SEL1L3: variants seen among roughly 807,000 people sequenced by gnomAD.
SEL1L3 encodes the protein protein sel-1 homolog 3.
In SEL1L3, 76 loss-of-function variants were observed where a neutral mutation model predicts 142.8. The ratio of observed to expected loss-of-function variants is 0.53; its 90% confidence interval spans 0.44 to 0.64. The LOEUF (loss-of-function observed/expected upper bound fraction) is 0.64, where lower values mean the gene tolerates loss of function less well. Among genes scored for constraint, SEL1L3 ranks in the 30% least tolerant of loss-of-function variants. The pLI, the probability that SEL1L3 is intolerant of heterozygous loss-of-function variation, is 0.00. For synonymous variants in SEL1L3, 504 were observed against 519.6 expected (o/e 0.97, Z 0.41); for missense variants, 1,262 against 1,381.7 (o/e 0.91, Z 1.37).
chr4:25,800,676 A>C (rs1245081338), intron 11 of SEL1L3, among the ~76,000 whole-genome samples: 1 of 152,222 alleles, frequency 6.6e-6, no homozygotes, highest in African/African-American at 2.4e-5. Context: ...TTTAAAAAAA[A>C]CTTTACCAAT....
chr4:25,858,264 C>T (rs1402487520), intron 1 of SEL1L3, among the ~76,000 whole-genome samples: 1 of 152,198 alleles, frequency 6.6e-6, no homozygotes, highest in African/African-American at 2.4e-5. Context: ...TTAGGAGCTC[C>T]AGTCAGGATG....
chr4:25,736,549 G>A, the SEL1L3 span, among the ~76,000 whole-genome samples: 68 of 152,220 alleles, frequency 4.5e-4, 1 homozygote, highest in Middle Eastern at 0.01. Context: ...GAAATTGAAT[G>A]AGACTTGTTT....
intron 5 of SEL1L3, 31 bp downstream of exon 5, chr4:25,832,964 A>G: frequency 1.5e-6 from 2 of 1,304,798 alleles, no homozygotes; most frequent in Admixed American, 1.7e-5. Context: ...AAATGCTCGT[A>G]TGTCGTGTGA....
At chr4:25,825,677 T>A (rs1209254917) in intron 6 of SEL1L3, among the ~76,000 whole-genome samples, 1 of 140,920 alleles carries the variant, frequency 7.1e-6, no homozygotes. Flanking sequence ...TTTTTTTTTT[T>A]TTTTTTTTTT....
chr4:25,788,167 C>G lies in SEL1L3; in HGVS notation c.2217+57G>C, dbSNP rs762617241. Reference sequence around the variant, plus strand: ...TGTTTGCCAGCCCGCCCACAGGAAACTGCTCAGGAGTCTGATAAGAATTGC... The same window carrying G: ...TGTTTGCCAGCCCGCCCACAGGAAAGTGCTCAGGAGTCTGATAAGAATTGC... On this transcript the variant is annotated intron_variant, in intron 13 of 23. Transcript: ENST00000399878. This position sits in a 1 kb window ranked among gnomAD's most constrained non-coding sequence, Gnocchi z 5.3. The G allele has an allele frequency of 6.0e-5, 94 of 1,579,202 alleles. No individual in the cohort carries two copies. Among genetic ancestry groups the G allele is most frequent in the Non-Finnish European group, 8.1e-5 (94 of 1,158,652 alleles).
rs943014395 is a variant in SEL1L3, at chr4:25,814,418, T to G, written c.1564+3720A>C. Among the ~76,000 whole-genome samples the G allele has an allele frequency of 9.2e-5, 14 of 152,230 alleles. 1 individual carries two copies. ...TATCTTTGTTACCACGCCTATTCAG[T>G]GCCTACAATAAGAATTCCAAGCATC... On this transcript the variant is annotated intron_variant, in intron 9 of 23. Coordinates refer to ENST00000399878, the MANE Select transcript of SEL1L3 (RefSeq NM_015187.5).
Position 25,862,915 on chromosome 4 carries a change from CCCGCCCCCGG to C in SEL1L3, c.-89_-80del. The C allele has an allele frequency of 1.0e-6, 1 of 971,244 alleles. No individual in the cohort carries two copies. The highest frequency in any genetic ancestry group is 1.2e-6 in the Non-Finnish European group (1 of 815,358). 60.2% of individuals were successfully genotyped at this position (971,244 alleles called of 1,614,324 possible). A position where few individuals can be genotyped will look rare whatever the true frequency, so the allele number is the denominator to read the frequency against. ...CCCCGCCCGAGGCGCCACCTTCCCG[CCCGCCCCCGG>C]CCGGGCCGGCCGCCGCGCGCGGGGC... On this transcript the variant is annotated 5_prime_UTR_variant, in exon 1 of 24. Coordinates refer to ENST00000399878, the MANE Select transcript of SEL1L3 (RefSeq NM_015187.5).
chr4:25,847,991 G>A (rs1384505111), intron 1 of SEL1L3, 127 bp from the exon 2 acceptor site: 8 of 648,324 alleles, frequency 1.2e-5, no homozygotes. Context: ...AATGAATGCG[G>A]GAGATAAAAG....
chr4:25,839,189 C>T (rs565966209), intron 2 of SEL1L3, among the ~76,000 whole-genome samples: 1 of 152,242 alleles, frequency 6.6e-6, no homozygotes, highest in Non-Finnish European at 1.5e-5. Flanking sequence ...TTCTTTAAAG[C>T]CAAAGTCTGA....
chr4:25,793,734 ATGG>A (rs1712517727), intron 11 of SEL1L3, among the ~76,000 whole-genome samples: 1 of 152,190 alleles, frequency 6.6e-6, no homozygotes, highest in East Asian at 1.9e-4. Context: ...GGAGTTTAGT[ATGG>A]CATCTGCTAC....
chr4:25,778,566 C>A (rs1181109055), intron 16 of SEL1L3, among the ~76,000 whole-genome samples: 1 of 151,986 alleles, frequency 6.6e-6, no homozygotes, highest in African/African-American at 2.4e-5. Context: ...ATAATGTAAA[C>A]CCTGATACTA....
intron 23 of SEL1L3, among the ~76,000 whole-genome samples, chr4:25,750,095 G>A (rs559621512): frequency 3.3e-5 from 5 of 152,142 alleles, no homozygotes; most frequent in South Asian, 2.1e-4. Context: ...TTAGCCGGGC[G>A]TGGTGGCACG....
intron 23 of SEL1L3, among the ~76,000 whole-genome samples, chr4:25,753,889 C>T (rs944092139): frequency 2.0e-5 from 3 of 152,014 alleles, no homozygotes; most frequent in African/African-American, 7.3e-5. Context: ...GAGGCTGAGG[C>T]AGGAGAATCA....
intron 1 of SEL1L3, among the ~76,000 whole-genome samples, chr4:25,853,189 T>G (rs977914112): frequency 6.6e-6 from 1 of 152,148 alleles, no homozygotes; most frequent in African/African-American, 2.4e-5. Flanking sequence ...TACAGTGAGC[T>G]ATGATAGTGC....
intron 2 of SEL1L3, among the ~76,000 whole-genome samples, chr4:25,846,077 GT>G (rs1374173999): frequency 6.6e-6 from 1 of 152,230 alleles, no homozygotes; most frequent in Non-Finnish European, 1.5e-5. Context: ...TAGGGCCACA[GT>G]TGAGGAAACA....
At chr4:25,749,807 T>C (rs569891294) in intron 23 of SEL1L3, among the ~76,000 whole-genome samples, 1 of 152,340 alleles carries the variant, frequency 6.6e-6, no homozygotes, top group African/African-American at 2.4e-5. Context: ...TCATTGCTTG[T>C]TTTTGTACGG....
At chr4:25,818,408 G>C in intron 8 of SEL1L3, 130 bp from the exon 9 acceptor site, 2 of 848,676 alleles carry the variant, frequency 2.4e-6, no homozygotes, top group Non-Finnish European at 3.4e-6. Context: ...GGTCCTTTTG[G>C]GATTTGAAAT....
intron 17 of SEL1L3, among the ~76,000 whole-genome samples, chr4:25,772,641 G>A (rs6823562): frequency 0.041 from 6,212 of 150,838 alleles, 416 homozygotes; most frequent in African/African-American, 0.14. Context: ...AAAAAAGAAG[G>A]GAAAGAAAAG....
intron 5 of SEL1L3, among the ~76,000 whole-genome samples, chr4:25,830,768 G>A (rs756432661): frequency 9.2e-5 from 14 of 152,170 alleles, no homozygotes; most frequent in Admixed American, 2.0e-4. Flanking sequence ...GTGTTAGGGC[G>A]TGTCTCAAAG....
Sources: gnomAD v4.1 joint callset for allele counts (sites outside exome capture counted in the v4.1 genomes callset) on GRCh38, gnomAD v4.1.1 for gene constraint, Gnocchi (gnomAD v3.1) non-coding constraint, MANE v1.5 for transcripts, NCBI Gene and HGNC (gene_info 2026-07-23, HGNC 2026-07-21) for gene names.